Variants in MATN3 observed in about 807,000 individuals in gnomAD.
The protein encoded by MATN3 is matrilin 3, also known as matrilin-3.
Under a neutral mutation model 45.3 loss-of-function variants are expected in MATN3, and 48 were observed. The observed-to-expected ratio is 1.06, with a 90% confidence interval of 0.84 to 1.35. MATN3 has a LOEUF of 1.35. Ranked by LOEUF, MATN3 falls within the 40% of genes most tolerant of loss-of-function variation. The probability of loss-of-function intolerance (pLI) is 0.00; values close to 1 mark genes in which losing one functional copy is unlikely to be tolerated. For missense variants in MATN3, 599 were observed against 628.0 expected (o/e 0.95, Z 0.49); for synonymous variants, 217 against 245.9 (o/e 0.88, Z 1.10).
intron 6 of MATN3, among the ~76,000 whole-genome samples, chr2:19,996,878 AT>A (rs1056012786): frequency 6.6e-6 from 1 of 152,256 alleles, no homozygotes; most frequent in African/African-American, 2.4e-5. Context: ...TTTTACCACA[AT>A]AAAAAAAATT....
chr2:20,003,675 G>A (rs147903724), intron 2 of MATN3, among the ~76,000 whole-genome samples: 13 of 152,316 alleles, frequency 8.5e-5, no homozygotes, highest in Admixed American at 2.6e-4. Context: ...CTGAAGTGAC[G>A]TGAGCTAGTT....
In MATN3 at chr2:19,997,259, A is replaced by G; in HGVS notation, c.1169T>C (p.Val390Ala). ...AGAGCCTAGGGCACACTTGTCACGGACTGACCGCACGTGGTGCAGGAAAGA... is the reference window on the plus strand; with the variant it reads ...AGAGCCTAGGGCACACTTGTCACGGGCTGACCGCACGTGGTGCAGGAAAGA... ...TLNADKKTCS[V>A]RDKCALGSHG... The change falls in exon 6 of 8, where the codon GTC (valine) becomes GCC (alanine). Residue 390 changes from valine (V) to alanine (A), a missense_variant and splice_region_variant. Transcript: ENST00000407540. The G allele has an allele frequency of 2.5e-6, 4 of 1,605,032 alleles. No individual in the cohort carries two copies. Among genetic ancestry groups the G allele is most frequent in the Non-Finnish European group, 3.4e-6 (4 of 1,177,040 alleles).
At position 19,995,046 on chromosome 2, in the gene MATN3, C is replaced by T. The variant is rs1672836345; in HGVS notation, c.1295-637G>A. Among the ~76,000 whole-genome samples, 1 of 152,088 alleles carries T rather than the reference C, an allele frequency of 6.6e-6. No individual in the cohort carries two copies. Among genetic ancestry groups the T allele is most frequent in the Admixed American group, 6.5e-5 (1 of 15,284 alleles). On this transcript the variant is annotated intron_variant, in intron 6 of 7. Coordinates refer to ENST00000407540, the MANE Select transcript of MATN3 (RefSeq NM_002381.5). The surrounding 1 kb of genome is among the most constrained non-coding windows in gnomAD (Gnocchi z 4.2). ...TCAAGGCTGCAGTGAGCCATGATCA[C>T]ACCACTGCACTCCAGCCTGGGTAAC... is the stretch of plus-strand genomic sequence containing the variant.
chr2:20,005,019 C>G (rs1312069656), intron 2 of MATN3, among the ~76,000 whole-genome samples: 2 of 152,150 alleles, frequency 1.3e-5, no homozygotes, highest in African/African-American at 4.8e-5. Context: ...TCAATTCATG[C>G]TAAAAATTCC....
rs11365401 is a variant in MATN3, at chr2:20,009,270, T to TAAAA, written c.224-2964_224-2961dup. Among the ~76,000 whole-genome samples the TAAAA allele has an allele frequency of 9.2e-3, 1,199 of 130,884 alleles. 19 individuals are homozygous for TAAAA. The highest frequency in any genetic ancestry group is 0.03 in the African/African-American group (1,067 of 35,440). 85.9% of individuals were successfully genotyped at this position (130,884 alleles called of 152,430 possible). ...AAGGAATCAAAATTCTTTCTTTCTT[T>TAAAA]AAAAAAAAAAAAAACAACTCCAGCA... On this transcript the variant is annotated intron_variant, in intron 1 of 7. Coordinates refer to ENST00000407540, the MANE Select transcript of MATN3 (RefSeq NM_002381.5).
chr2:20,005,744 C>T lies in MATN3; in HGVS notation c.790G>A (p.Ala264Thr). The stretch of plus-strand genomic sequence containing the variant: ...TGGAAGCAAAGACTGACCAACTTAC[C>T]ACAGAAGGTTTCCTGGAATCTAGAG... ...LSSRFQETFCALDPCVLGTHQ... is the reference protein window; with the variant it reads ...LSSRFQETFCTLDPCVLGTHQ... The change falls in exon 2 of 8, where the codon GCG (alanine) becomes ACG (threonine). Residue 264 changes from alanine to threonine, a missense_variant and splice_region_variant. Physicochemically the swap from Ala to Thr is moderately conservative, Grantham distance 58. Transcript: ENST00000407540. 2 of 1,592,176 alleles carry T rather than the reference C, an allele frequency of 1.3e-6. No individual in the cohort carries two copies. Among genetic ancestry groups the T allele is most frequent in the Non-Finnish European group, 1.7e-6 (2 of 1,165,948 alleles).
intron 5 of MATN3, among the ~76,000 whole-genome samples, chr2:19,998,118 T>C (rs1219335782): frequency 6.6e-6 from 1 of 152,238 alleles, no homozygotes; most frequent in Non-Finnish European, 1.5e-5. Flanking sequence ...GGCTCACTAA[T>C]GCCTATAGAA....
At chr2:20,002,195 G>A in intron 3 of MATN3, 115 bp from the exon 4 acceptor site, 1 of 463,732 alleles carries the variant, frequency 2.2e-6, no homozygotes, top group East Asian at 7.3e-5. Context: ...CACACACAGA[G>A]CTAATGAAAC....
Position 20,002,044 on chromosome 2 carries a change from T to C in MATN3, c.953A>G (p.Glu318Gly), listed in dbSNP as rs145981588. ...DRCALNTHGC[E>G]HICVNDRSGS... Reference sequence around the variant, plus strand: ...ACTTCTGTCATTCACACAGATGTGCTCACATCCGTGGGTGTTAAGAGCACA... The same window carrying C: ...ACTTCTGTCATTCACACAGATGTGCCCACATCCGTGGGTGTTAAGAGCACA... The change falls in exon 4 of 8, where the codon GAG becomes GGG. Residue 318 changes from glutamate to glycine, a missense_variant. By Grantham distance (98) the Glu-to-Gly change is moderately conservative (BLOSUM62 -2). Transcript: ENST00000407540. 2 of 1,612,774 alleles carry C rather than the reference T, an allele frequency of 1.2e-6. No individual in the cohort carries two copies. The highest frequency in any genetic ancestry group is 1.7e-6 in the Non-Finnish European group (2 of 1,178,878).
At chr2:20,001,931 A>G in intron 4 of MATN3, 24 bp downstream of exon 4, 1 of 1,610,422 alleles carries the variant, frequency 6.2e-7, no homozygotes, top group African/African-American at 1.3e-5. Context: ...AAGTAGCAAT[A>G]GTAAAGACTC....
rs117579155 is a variant in MATN3 at position 20,004,993 on chromosome 2, G to A, written c.790+751C>T. Among the ~76,000 whole-genome samples, 957 of 152,316 alleles carry A rather than the reference G, an allele frequency of 6.3e-3. 6 individuals are homozygous for A. Among genetic ancestry groups the A allele is most frequent in the Non-Finnish European group, 9.3e-3 (635 of 68,028 alleles). ...TTAAACTCCAGCATTGAATGGATCT[G>A]TAGTCCTAGATTTGGTCAATTCATG... On this transcript the variant is annotated intron_variant, in intron 2 of 7. Transcript: ENST00000407540.
At chr2:20,004,550 G>C (rs1441178710) in intron 2 of MATN3, among the ~76,000 whole-genome samples, 1 of 152,216 alleles carries the variant, frequency 6.6e-6, no homozygotes, top group East Asian at 1.9e-4. Context: ...TCCCAGCCAA[G>C]TCTGACTGCA....
In MATN3 at chr2:19,993,103, G is replaced by A. The variant is rs1672792181; in HGVS notation, c.*8C>T. 2 of 1,609,468 alleles carry A rather than the reference G, an allele frequency of 1.2e-6. No individual in the cohort carries two copies. Among genetic ancestry groups the A allele is most frequent in the African/African-American group, 2.7e-5 (2 of 74,816 alleles). ...TGTCCACATTTTCAGGTGAGAAATTGGAGCAATTTAACGATGTATTTGTCC... is the reference window on the plus strand; with the variant it reads ...TGTCCACATTTTCAGGTGAGAAATTAGAGCAATTTAACGATGTATTTGTCC... On this transcript the variant is annotated 3_prime_UTR_variant, in exon 8 of 8. Transcript: ENST00000407540.
chr2:19,998,777 T>A (rs58549550), intron 5 of MATN3, among the ~76,000 whole-genome samples: 55,489 of 139,460 alleles, frequency 0.4, 10,875 homozygotes, highest in Middle Eastern at 0.5. Context: ...GAAAAAAAAA[T>A]ATATATATAT....
chr2:19,992,855 C>T lies in MATN3; in HGVS notation c.*256G>A. ...AACACTAAACTTTTCATTCTATTTC[C>T]TACCAATCATTTCACAGTCATAACT... On this transcript the variant is annotated 3_prime_UTR_variant, in exon 8 of 8. Transcript: ENST00000407540. The T allele has an allele frequency of 2.3e-6, 1 of 434,430 alleles. No individual in the cohort carries two copies. The highest frequency in any genetic ancestry group is 4.0e-6 in the Non-Finnish European group (1 of 247,706). The allele number at this position is 434,430 out of a possible 1,614,324, so 26.9% of individuals were successfully genotyped here. A position where few individuals can be genotyped will look rare whatever the true frequency, so the allele number is the denominator to read the frequency against.
intron 7 of MATN3, among the ~76,000 whole-genome samples, chr2:19,993,681 T>G (rs908668609): frequency 6.6e-6 from 1 of 152,182 alleles, no homozygotes; most frequent in South Asian, 2.1e-4. Flanking sequence ...TTCTTTCCAA[T>G]TATCTGTACC....
chr2:20,010,247 G>A (rs1011012175), intron 1 of MATN3, among the ~76,000 whole-genome samples: 1 of 152,078 alleles, frequency 6.6e-6, no homozygotes, highest in Non-Finnish European at 1.5e-5. Flanking sequence ...CTCTGTAATT[G>A]ACAGTGCTTT....
At position 20,000,398 on chromosome 2, in the gene MATN3, G is replaced by T; in HGVS notation, c.1168+43C>A. The T allele has an allele frequency of 4.5e-6, 7 of 1,565,096 alleles. 1 individual carries two copies. The South Asian group carries it at 7.2e-5, about 16-fold the overall frequency. ...CTGGTGAGTTGCAAGTTGGTTTCATGTGAAAGACCCAAGTATGAAAGAATT... is the reference window on the plus strand; with the variant it reads ...CTGGTGAGTTGCAAGTTGGTTTCATTTGAAAGACCCAAGTATGAAAGAATT... On this transcript the variant is annotated intron_variant, in intron 5 of 7. Transcript: ENST00000407540.
At position 20,000,509 on chromosome 2, in the gene MATN3, C is replaced by T; in HGVS notation, c.1100G>A (p.Arg367Lys). The change falls in exon 5 of 8, where the codon AGA (arginine) becomes AAA (lysine). Residue 367 changes from arginine (R) to lysine (K), a missense_variant. By Grantham distance (26) the Arg-to-Lys change is conservative. Transcript: ENST00000407540. ...GCATTCACAATGATGGGACCCTGTT[C>T]TGTCATTCACACAAATGTGCTGACA... ...HGCQHICVND[R>K]TGSHHCECYE... is the part of the protein sequence containing the mutation. The T allele has an allele frequency of 1.9e-6, 3 of 1,612,666 alleles. No homozygotes were observed. The highest frequency in any genetic ancestry group is 2.5e-6 in the Non-Finnish European group (3 of 1,179,242).
Sources: allele counts gnomAD v4.1 joint callset (sites outside exome capture counted in the v4.1 genomes callset), GRCh38; gene constraint gnomAD v4.1.1; non-coding constraint Gnocchi (gnomAD v3.1); transcripts MANE v1.5; gene names NCBI Gene and HGNC (gene_info 2026-07-23, HGNC 2026-07-21).